PTPA: variants seen among roughly 807,000 people sequenced by gnomAD.
The protein encoded by PTPA is protein phosphatase 2 phosphatase activator.
In PTPA, 13 loss-of-function variants were observed where a neutral mutation model predicts 43.6. That is an observed-to-expected ratio of 0.30 (90% CI 0.19 to 0.47). The LOEUF is 0.47. PTPA is among the 20% of genes least tolerant of loss of function. The pLI is 0.99. For missense variants in PTPA, 329 were observed against 411.9 expected (o/e 0.80, Z 1.74); for synonymous variants, 172 against 158.2 (o/e 1.09, Z -0.66).
chr9:129,129,286 T>A (rs1213818940), intron 4 of PTPA, among the ~76,000 whole-genome samples, 176 bp downstream of exon 4: 1 of 152,194 alleles, frequency 6.6e-6, no homozygotes, highest in Non-Finnish European at 1.5e-5. Context: ...CTTGGTCATC[T>A]TCTGGGAAAC....
rs150542273 is a variant in PTPA, at chr9:129,123,705, C to T, written c.216+567C>T. Among the ~76,000 whole-genome samples, 1,189 of 149,772 alleles carry T rather than the reference C, an allele frequency of 7.9e-3. 9 individuals carry two copies. The highest frequency in any genetic ancestry group is 0.04 in the South Asian group (192 of 4,754). ...TCTTTCTTTTTTTTTTATTTTGAGA[C>T]GTAGTTTTGCTCTTGTTGCCCAGGC... On this transcript the variant is annotated intron_variant, in intron 3 of 9. Transcript: ENST00000393370.
chr9:129,111,701 A>T, intron 1 of PTPA, 70 bp downstream of exon 1: 1 of 1,247,702 alleles, frequency 8.0e-7, no homozygotes. Context: ...TGGGAGGCTC[A>T]GGAGGGCGAG....
At chr9:129,135,759 G>A (rs1440345258) in intron 6 of PTPA, among the ~76,000 whole-genome samples, 6 of 152,360 alleles carry the variant, frequency 3.9e-5, no homozygotes, top group Non-Finnish European at 7.3e-5. Context: ...AGCAGTGCTC[G>A]ATGCTTCACA....
At chr9:129,125,874 C>T (rs1237627151) in intron 3 of PTPA, among the ~76,000 whole-genome samples, 7 of 152,154 alleles carry the variant, frequency 4.6e-5, no homozygotes, top group East Asian at 3.9e-4. Flanking sequence ...TTTGGCTGGG[C>T]GCGGTGGCTC....
At chr9:129,129,246 T>A in intron 4 of PTPA, 136 bp downstream of exon 4, 2 of 1,262,300 alleles carry the variant, frequency 1.6e-6, no homozygotes. Flanking sequence ...CAATTTCACT[T>A]AGCAAAATTA....
chr9:129,121,213 A>G (rs1487682286), intron 2 of PTPA, among the ~76,000 whole-genome samples: 1 of 152,200 alleles, frequency 6.6e-6, no homozygotes, highest in African/African-American at 2.4e-5. Flanking sequence ...CCTCTGGCCC[A>G]GTTCTCGTCA....
At chr9:129,146,891 C>CA (rs1851341515) in intron 9 of PTPA, among the ~76,000 whole-genome samples, 1 of 152,244 alleles carries the variant, frequency 6.6e-6, no homozygotes, top group African/African-American at 2.4e-5. Flanking sequence ...GGGGGGAACT[C>CA]AGTGTCAGCT....
At chr9:129,116,512 A>G (rs901484900) in intron 1 of PTPA, among the ~76,000 whole-genome samples, 14 of 150,140 alleles carry the variant, frequency 9.3e-5, no homozygotes, top group African/African-American at 3.2e-4. Flanking sequence ...TCAGCCTCCC[A>G]AGTAGCTGGG....
chr9:129,121,955 A>G (rs1375473139), intron 2 of PTPA, among the ~76,000 whole-genome samples: 1 of 152,210 alleles, frequency 6.6e-6, no homozygotes, highest in Non-Finnish European at 1.5e-5. Context: ...CCTTCTAGAT[A>G]TCAGGGCTTG....
rs1393503174 is a variant in PTPA at position 129,134,893 on chromosome 9, C to T, written c.559C>T (p.Arg187Trp). Reference sequence around the variant, plus strand: ...AGCTATTGTCTTCAAGGTGTTCAATCGGTGAGAGAAAGGACAGGAGGGTTG... The same window carrying T: ...AGCTATTGTCTTCAAGGTGTTCAATTGGTGAGAGAAAGGACAGGAGGGTTG... ...QIAIVFKVFNRYLEVMRKLQK... is the reference protein window; with the variant it reads ...QIAIVFKVFNWYLEVMRKLQK... The change falls in exon 6 of 10, where the codon CGG becomes TGG. Residue 187 changes from arginine (R) to tryptophan (W), a missense_variant and splice_region_variant. Arg to Trp is a moderately radical substitution (Grantham distance 101). Transcript: ENST00000393370. The T allele has an allele frequency of 2.5e-6, 4 of 1,611,228 alleles. No individual in the cohort carries two copies. Among genetic ancestry groups the T allele is most frequent in the East Asian group, 2.2e-5 (1 of 44,862 alleles).
At chr9:129,115,504 C>G (rs1210492793) in intron 1 of PTPA, among the ~76,000 whole-genome samples, 1 of 152,162 alleles carries the variant, frequency 6.6e-6, no homozygotes, top group Non-Finnish European at 1.5e-5. Flanking sequence ...GTTCCAGAAA[C>G]TTCTTAGGTC....
intron 1 of PTPA, among the ~76,000 whole-genome samples, chr9:129,115,269 A>G (rs1389886034): frequency 6.6e-6 from 1 of 152,234 alleles, no homozygotes; most frequent in African/African-American, 2.4e-5. Flanking sequence ...TGAAGTGCCA[A>G]TTTACTAATA....
At position 129,145,746 on chromosome 9, in the gene PTPA, T is replaced by A. The variant is rs563807797; in HGVS notation, c.895-1641T>A. Among the ~76,000 whole-genome samples the A allele has an allele frequency of 9.2e-5, 14 of 151,548 alleles. 1 individual carries two copies. The South Asian group carries it at 2.7e-3, about 29-fold the overall frequency. ...GGGCGGCGGGGGGGAGGGTCTGTCT[T>A]TCCTCTGGGCCATGGCTGTGTGGGT... On this transcript the variant is annotated intron_variant, in intron 9 of 9. Coordinates refer to ENST00000393370, the MANE Select transcript of PTPA (RefSeq NM_178000.3).
intron 9 of PTPA, chr9:129,143,574 A>G: frequency 1.6e-6 from 1 of 640,072 alleles, no homozygotes; most frequent in Non-Finnish European, 2.8e-6. Flanking sequence ...AGATGCTTCC[A>G]GTTGGCTTGG....
At chr9:129,134,593 C>T (rs1850228062) in intron 5 of PTPA, among the ~76,000 whole-genome samples, 1 of 152,152 alleles carries the variant, frequency 6.6e-6, no homozygotes, top group South Asian at 2.1e-4. Flanking sequence ...CATGAGCCAC[C>T]ATGCACGGCC....
chr9:129,127,957 T>C, intron 3 of PTPA: 2 of 1,321,380 alleles, frequency 1.5e-6, no homozygotes, highest in South Asian at 1.2e-5. Flanking sequence ...ATTATGTTTA[T>C]ATGTAGATGT....
At chr9:129,147,335 C>A in intron 9 of PTPA, 52 bp from the exon 10 acceptor site, 1 of 1,571,686 alleles carries the variant, frequency 6.4e-7, no homozygotes, top group Non-Finnish European at 8.8e-7. Context: ...GGGGTCCTGG[C>A]AGGGGTGTGG....
At chr9:129,146,997 T>C (rs1288855744) in intron 9 of PTPA, among the ~76,000 whole-genome samples, 1 of 152,230 alleles carries the variant, frequency 6.6e-6, no homozygotes, top group African/African-American at 2.4e-5. Flanking sequence ...GGCCTCAGCC[T>C]CTTAGGCTTA....
rs550932260 is a variant in PTPA, at chr9:129,137,729, C to T, written c.786+37C>T. ...GGGTGAGAGAGAAGCCCATGGCTGC[C>T]TCCAGGCTCAGATGAACCAAGGCTG... On this transcript the variant is annotated intron_variant, in intron 8 of 9. Transcript: ENST00000393370. 7.1e-5 allele frequency: 108 copies of T among 1,519,564 alleles called. 2 individuals are homozygous for T. In the South Asian group the frequency reaches 1.1e-3, roughly 16 times the overall value. The allele number at this position is 1,519,564 out of a possible 1,614,324, so 94.1% of individuals were successfully genotyped here. A position where few individuals can be genotyped will look rare whatever the true frequency, so the allele number is the denominator to read the frequency against.
Sources: gnomAD v4.1 joint callset for allele counts (sites outside exome capture counted in the v4.1 genomes callset) on GRCh38, gnomAD v4.1.1 for gene constraint, MANE v1.5 for transcripts, NCBI Gene and HGNC (gene_info 2026-07-23, HGNC 2026-07-21) for gene names.